Variants in ZNF641 observed in about 807,000 individuals in gnomAD.
ZNF641 encodes the protein zinc finger protein 641.
A neutral mutation model predicts 46.2 loss-of-function variants in ZNF641; 26 were observed. The observed-to-expected ratio is 0.56, with a 90% CI of 0.41 to 0.78. The LOEUF (loss-of-function observed/expected upper bound fraction) is 0.78, where lower values mean the gene tolerates loss of function less well. Ranked by LOEUF, ZNF641 falls within the 30% of genes least tolerant of loss-of-function variation. ZNF641 has a pLI of 0.00. For missense variants in ZNF641, 469 were observed against 517.8 expected (o/e 0.91, Z 0.91); for synonymous variants, 163 against 187.9 (o/e 0.87, Z 1.09).
chr12:48,336,324 TC>T (rs1952604025), downstream of ZNF641, among the ~76,000 whole-genome samples: 1 of 152,074 alleles, frequency 6.6e-6, no homozygotes, highest in African/African-American at 2.4e-5. Context: ...CTTACCTCCT[TC>T]CCTTTTTGGT....
In ZNF641 at chr12:48,342,975, AAAAG is replaced by A; in HGVS notation, c.1269_1272del (p.Phe424GlufsTer37). The A allele has an allele frequency of 6.2e-7, 1 of 1,607,714 alleles. No homozygotes were observed. Among genetic ancestry groups the A allele is most frequent in the Non-Finnish European group, 8.5e-7 (1 of 1,176,790 alleles). On this transcript the variant is annotated frameshift_variant, in exon 6 of 6. Transcript: ENST00000547026. LOFTEE classifies it high-confidence loss of function. ...CATAGCTGTAGTGGAAACAGATTTCAAAAGACAGATGTTCCTCTGTCCCAGCTGT... is the reference window on the plus strand; with the variant it reads ...CATAGCTGTAGTGGAAACAGATTTCAACAGATGTTCCTCTGTCCCAGCTGT...
intron 3 of ZNF641, chr12:48,347,050 C>A (rs1952891816): frequency 3.0e-6 from 3 of 1,000,144 alleles, no homozygotes; most frequent in Non-Finnish European, 4.2e-6. Flanking sequence ...AAACCCTAAC[C>A]TCAAGGAATT....
rs1285364394 is a variant in ZNF641 at position 48,337,594 on chromosome 12, G to C, written c.*5379C>G. On this transcript the variant is annotated 3_prime_UTR_variant, in exon 6 of 6. Coordinates refer to ENST00000547026, the MANE Select transcript of ZNF641 (RefSeq NM_001172681.2). ...CCAGCACTTTGGGAGGCCAAGGTGG[G>C]TGGATCACGAGGTCAAGAGATTGAG... is the stretch of plus-strand genomic sequence containing the variant. 3.3e-5 allele frequency: 5 copies of C among 151,878 alleles called. No homozygotes were observed. In the East Asian group the frequency reaches 9.7e-4, roughly 29 times the overall value. The allele number at this position is 151,878 out of a possible 1,614,324, so 9.4% of individuals were successfully genotyped here.
Position 48,343,327 on chromosome 12 carries a change from C to A in ZNF641, c.921G>T (p.Arg307Ser). The change falls in exon 6 of 6, where the codon AGG (arginine) becomes AGT (serine). Residue 307 changes from arginine to serine, a missense_variant. Physicochemically the swap from Arg to Ser is moderately radical, Grantham distance 110 (BLOSUM62 -1). This residue lies in a region of ZNF641 where 346 missense variants were observed against 354.0 expected (regional missense o/e 0.98). Coordinates refer to ENST00000547026, the MANE Select transcript of ZNF641 (RefSeq NM_001172681.2). ...GGAAATTCTTACCACACTCAGAGCACCTGCTGGTCTTGTCATGTAGGTGGG... is the reference window on the plus strand; with the variant it reads ...GGAAATTCTTACCACACTCAGAGCAACTGCTGGTCTTGTCATGTAGGTGGG... ...QKTHLHDKTS[R>S]CSECGKNFRC... 6.2e-7 allele frequency: 1 copy of A among 1,614,182 alleles called. No homozygotes were observed. The highest frequency in any genetic ancestry group is 8.5e-7 in the Non-Finnish European group (1 of 1,180,040).
In ZNF641 at chr12:48,338,976, T is replaced by G. The variant is rs949018515; in HGVS notation, c.*3997A>C. 3 of 152,222 alleles carry G rather than the reference T, an allele frequency of 2.0e-5. No homozygotes were observed. The allele number at this position is 152,222 out of a possible 1,614,324, so 9.4% of individuals were successfully genotyped here. A position where few individuals can be genotyped will look rare whatever the true frequency, so the allele number is the denominator to read the frequency against. Reference sequence around the variant, plus strand: ...GGCAAAGGAGAATCATTTCCTCGGATGTCAGTTTTTCAGTTTTACATTGGA... The same window carrying G: ...GGCAAAGGAGAATCATTTCCTCGGAGGTCAGTTTTTCAGTTTTACATTGGA... On this transcript the variant is annotated 3_prime_UTR_variant, in exon 6 of 6. Transcript: ENST00000547026.
At position 48,347,989 on chromosome 12, in the gene ZNF641, C is replaced by T. The variant is rs12322817; in HGVS notation, c.102G>A (p.Glu34=). ...EPQVERGSQE[E]RPWRTVPGPL... The stretch of plus-strand genomic sequence containing the variant: ...GTCCTGGTACTGTTCTCCATGGCCG[C>T]TCTTCCTGGCTTCCCCTTTCCACCT... The change falls in exon 2 of 6, where the codon GAG becomes GAA. Residue 34 remains glutamate (E), a synonymous_variant. Transcript: ENST00000547026. The T allele has an allele frequency of 5.8e-5, 94 of 1,614,270 alleles. No homozygotes were observed. In the African/African-American group the frequency reaches 1.2e-3, roughly 21 times the overall value.
At chr12:48,350,289 C>G in intron 1 of ZNF641, 1 of 1,360,598 alleles carries the variant, frequency 7.3e-7, no homozygotes, top group Non-Finnish European at 9.6e-7. Context: ...ATGAGTAGCC[C>G]AAGGGCACAC....
At position 48,350,861 on chromosome 12, in the gene ZNF641, CG is replaced by C; in HGVS notation, c.-102del. ...GCCCCTCCCCTCCGCCCTCCGCTTGCGTCTGGGAGCCGGCGGCCGGCGGAGC... is the reference window on the plus strand; with the variant it reads ...GCCCCTCCCCTCCGCCCTCCGCTTGCTCTGGGAGCCGGCGGCCGGCGGAGC... On this transcript the variant is annotated 5_prime_UTR_variant, in exon 1 of 6. Coordinates refer to ENST00000547026, the MANE Select transcript of ZNF641 (RefSeq NM_001172681.2). 1 of 985,122 alleles carries C rather than the reference CG, an allele frequency of 1.0e-6. No individual in the cohort carries two copies. The allele number at this position is 985,122 out of a possible 1,614,324, so 61.0% of individuals were successfully genotyped here. A position where few individuals can be genotyped will look rare whatever the true frequency, so the allele number is the denominator to read the frequency against.
At chr12:48,347,656 T>G (rs1952915466) in intron 2 of ZNF641, among the ~76,000 whole-genome samples, 1 of 152,208 alleles carries the variant, frequency 6.6e-6, no homozygotes, top group Non-Finnish European at 1.5e-5. Context: ...ATCTCCCTCA[T>G]TCAGTATCAC....
At chr12:48,350,921 C>CGGGCGGGGCG (rs1162302278), upstream of ZNF641, 2 of 930,584 alleles carry the variant, frequency 2.1e-6, no homozygotes, top group Non-Finnish European at 2.6e-6. Context: ...CCGGCAGGCG[C>CGGGCGGGGCG]GGGCGGGGCG....
chr12:48,342,113 T>G lies in ZNF641; in HGVS notation c.*860A>C. 1.0e-6 allele frequency: 1 copy of G among 985,296 alleles called. No homozygotes were observed. The highest frequency in any genetic ancestry group is 1.2e-6 in the Non-Finnish European group (1 of 829,916). 61.0% of individuals were successfully genotyped at this position (985,296 alleles called of 1,614,324 possible). Reference sequence around the variant, plus strand: ...GAGGGGACTGTTCAAGGGGATAAAGTTTTTTTTGTTTTTCTGTTTTTCTGT... The same window carrying G: ...GAGGGGACTGTTCAAGGGGATAAAGGTTTTTTTGTTTTTCTGTTTTTCTGT... On this transcript the variant is annotated 3_prime_UTR_variant, in exon 6 of 6. Transcript: ENST00000547026.
chr12:48,334,953 A>C (rs1952593884), downstream of ZNF641, among the ~76,000 whole-genome samples: 1 of 152,234 alleles, frequency 6.6e-6, no homozygotes, highest in African/African-American at 2.4e-5. Flanking sequence ...ACTTAGGCAC[A>C]GGCACCATAA....
intron 4 of ZNF641, 84 bp downstream of exon 4, chr12:48,345,261 C>T: frequency 6.6e-7 from 1 of 1,523,690 alleles, no homozygotes; most frequent in Non-Finnish European, 8.9e-7. Context: ...GAGTCCTAGA[C>T]AGACACTATC....
chr12:48,345,028 C>T (rs578226413), intron 4 of ZNF641, among the ~76,000 whole-genome samples: 7 of 152,288 alleles, frequency 4.6e-5, no homozygotes, highest in Admixed American at 2.0e-4. Flanking sequence ...CCCTATCTTC[C>T]TCTACATGGT....
chr12:48,344,209 TC>T (rs1486533248), intron 5 of ZNF641, among the ~76,000 whole-genome samples: 40 of 152,346 alleles, frequency 2.6e-4, no homozygotes, highest in African/African-American at 9.4e-4. Flanking sequence ...CTGTCGGCAG[TC>T]CTCAAGGCAT....
downstream of ZNF641, among the ~76,000 whole-genome samples, chr12:48,336,702 G>A (rs1952607543): frequency 6.6e-6 from 1 of 152,208 alleles, no homozygotes; most frequent in Non-Finnish European, 1.5e-5. Context: ...TTGCAAACAT[G>A]CCTCTAAGGG....
At chr12:48,344,855 A>G (rs980047667) in intron 4 of ZNF641, 143 bp from the exon 5 acceptor site, 33 of 584,522 alleles carry the variant, frequency 5.6e-5, no homozygotes, top group Non-Finnish European at 9.3e-5. Context: ...CCCCACCCCA[A>G]CCTCTTCCCC....
At chr12:48,350,217 A>C (rs964253196) in intron 1 of ZNF641, 2 of 1,488,924 alleles carry the variant, frequency 1.3e-6, no homozygotes, top group Non-Finnish European at 1.8e-6. Flanking sequence ...GTAGCAAGGG[A>C]CCTGCAAAAG....
intron 1 of ZNF641, among the ~76,000 whole-genome samples, chr12:48,348,597 T>C (rs921564042): frequency 1.3e-5 from 2 of 152,214 alleles, no homozygotes; most frequent in African/African-American, 4.8e-5. Context: ...ATGATTACTA[T>C]AGGTAAAAGT....
Sources: gnomAD v4.1 joint callset for allele counts (sites outside exome capture counted in the v4.1 genomes callset) on GRCh38, gnomAD v4.1.1 for gene constraint, gnomAD v4.1.1 regional missense constraint, MANE v1.5 for transcripts, NCBI Gene and HGNC (gene_info 2026-07-23, HGNC 2026-07-21) for gene names.